Variants in CENPF observed in about 807,000 individuals in gnomAD.
CENPF encodes AH antigen.
In CENPF, 214 loss-of-function variants were observed where a neutral mutation model predicts 307.3. The observed-to-expected ratio is 0.70, with a 90% CI of 0.62 to 0.78. The LOEUF (loss-of-function observed/expected upper bound fraction) is 0.78. CENPF is among the 30% of genes least tolerant of loss of function. The probability of loss-of-function intolerance (pLI) is 0.00; values close to 1 mark genes in which losing one functional copy is unlikely to be tolerated. For synonymous variants in CENPF, 1,259 were observed against 1,270.6 expected, an observed-to-expected ratio of 0.99 and a Z score of 0.19; for missense variants, 3,401 against 3,483.9, an observed-to-expected ratio of 0.98 and a Z score of 0.60.
At chr1:214,630,712 T>C (rs1278997143) in intron 9 of CENPF, 50 bp downstream of exon 9, 2 of 1,592,916 alleles carry the variant, frequency 1.3e-6, no homozygotes, top group African/African-American at 1.3e-5. Context: ...TCTTGTTCCT[T>C]GTACTTGTTA....
rs3748694 is a variant in CENPF, at chr1:214,645,784, T to C, written c.6214T>C (p.Ser2072Pro). 117 of 1,614,106 alleles carry C rather than the reference T, an allele frequency of 7.2e-5. No homozygotes were observed. In the East Asian group the frequency reaches 2.3e-3, roughly 31 times the overall value. Residue 2072 changes from serine to proline, a missense_variant, in exon 13 of 20, where the codon TCT becomes CCT. Ser to Pro is a moderately conservative substitution (Grantham distance 74, BLOSUM62 -1). Coordinates refer to ENST00000366955, the MANE Select transcript of CENPF (RefSeq NM_016343.4). Reference sequence around the variant, plus strand: ...AGAGAAAGAATTGCTTGTCAAGGAATCTGAAAGCCTGCAGGCCAGACTGAG... The same window carrying C: ...AGAGAAAGAATTGCTTGTCAAGGAACCTGAAAGCCTGCAGGCCAGACTGAG... Reference protein sequence around the residue: ...NKEKELLVKESESLQARLSES... With the variant: ...NKEKELLVKEPESLQARLSES...
intron 1 of CENPF, chr1:214,605,844 C>T: frequency 6.3e-7 from 1 of 1,596,262 alleles, no homozygotes; most frequent in Non-Finnish European, 8.5e-7. Flanking sequence ...ATCACCTCGT[C>T]CTCCGTGCCG....
intron 3 of CENPF, among the ~76,000 whole-genome samples, chr1:214,617,328 A>G (rs1380064890): frequency 6.6e-6 from 1 of 152,286 alleles, no homozygotes; most frequent in East Asian, 1.9e-4. Flanking sequence ...GATTACAGGC[A>G]TGAGCCACTG....
rs1268588044 is a variant in CENPF, at chr1:214,645,229, G to A, written c.5659G>A (p.Ala1887Thr). ...SSREDIGDNV[A>T]KVNDSWKERF... ...ACGTGAAGATATTGGAGATAATGTG[G>A]CCAAGGTGAATGACAGCTGGAAGGA... The change falls in exon 13 of 20, where the codon GCC becomes ACC. Residue 1887 changes from alanine to threonine, a missense_variant. Coordinates refer to ENST00000366955, the MANE Select transcript of CENPF (RefSeq NM_016343.4). 6.2e-7 allele frequency: 1 copy of A among 1,614,046 alleles called. No individual in the cohort carries two copies. The highest frequency in any genetic ancestry group is 8.5e-7 in the Non-Finnish European group (1 of 1,180,010).
chr1:214,624,356 T>C (rs953923551), intron 7 of CENPF, among the ~76,000 whole-genome samples: 3 of 152,082 alleles, frequency 2.0e-5, no homozygotes, highest in African/African-American at 2.4e-5. Flanking sequence ...TTTTTTTTTC[T>C]TTCTTTATAT....
chr1:214,621,010 G>T, intron 6 of CENPF, 64 bp downstream of exon 6: 1 of 1,473,540 alleles, frequency 6.8e-7, no homozygotes. Flanking sequence ...GGTGATTTCA[G>T]ATATTTTTAA....
chr1:214,608,194 A>T, intron 1 of CENPF: 1 of 1,046,116 alleles, frequency 9.6e-7, no homozygotes, highest in African/African-American at 1.6e-5. Context: ...CTGTGCATCC[A>T]CTGTGGCTCC....
intron 18 of CENPF, 71 bp downstream of exon 18, chr1:214,657,480 G>T (rs187067980): frequency 1.7e-6 from 2 of 1,164,510 alleles, no homozygotes; most frequent in East Asian, 4.7e-5. Flanking sequence ...CATATAAAAA[G>T]ACAAAAGTAT....
chr1:214,609,427 G>A (rs1387099914), intron 1 of CENPF, among the ~76,000 whole-genome samples: 2 of 152,162 alleles, frequency 1.3e-5, no homozygotes, highest in African/African-American at 4.8e-5. Context: ...CCGGGTCAGG[G>A]ATCTCAGAAA....
chr1:214,657,479 A>G (rs1352310475), intron 18 of CENPF, 70 bp downstream of exon 18: 5 of 1,160,494 alleles, frequency 4.3e-6, no homozygotes, highest in Non-Finnish European at 6.1e-6. Flanking sequence ...ACATATAAAA[A>G]GACAAAAGTA....
At chr1:214,630,375 C>A (rs1657772169) in intron 8 of CENPF, among the ~76,000 whole-genome samples, 159 bp from the exon 9 acceptor site, 1 of 152,126 alleles carries the variant, frequency 6.6e-6, no homozygotes, top group East Asian at 1.9e-4. Context: ...GCATGGAGCA[C>A]CAAGGCTGAC....
At chr1:214,643,448 A>C in intron 12 of CENPF, 124 bp downstream of exon 12, 1 of 789,206 alleles carries the variant, frequency 1.3e-6, no homozygotes, top group Non-Finnish European at 1.8e-6. Flanking sequence ...TCAAGGAAAT[A>C]AAATACACCA....
intron 11 of CENPF, 120 bp from the exon 12 acceptor site, chr1:214,639,801 C>A: frequency 3.9e-6 from 2 of 507,942 alleles, no homozygotes; most frequent in South Asian, 3.7e-5. Context: ...CCAGTTTTTC[C>A]AGGGCTTGAG....
chr1:214,655,186 A>T (rs531682890), intron 16 of CENPF, 55 bp from the exon 17 acceptor site: 2 of 1,141,146 alleles, frequency 1.8e-6, no homozygotes, highest in Admixed American at 2.7e-5. Context: ...TTATTTTTCC[A>T]TATGCTTATA....
intron 6 of CENPF, among the ~76,000 whole-genome samples, chr1:214,621,311 G>T (rs1393309403): frequency 6.6e-6 from 1 of 152,166 alleles, no homozygotes; most frequent in Non-Finnish European, 1.5e-5. Context: ...ACCAGCTTTG[G>T]CCAGAGGTTG....
In CENPF at chr1:214,657,320, A is replaced by G. The variant is rs1312910324; in HGVS notation, c.8873A>G (p.Lys2958Arg). 1 of 1,614,034 alleles carries G rather than the reference A, an allele frequency of 6.2e-7. No homozygotes were observed. Among genetic ancestry groups the G allele is most frequent in the Non-Finnish European group, 8.5e-7 (1 of 1,180,020 alleles). Residue 2958 changes from lysine (K) to arginine (R), a missense_variant, in exon 18 of 20, where the codon AAG (lysine) becomes AGG (arginine). Transcript: ENST00000366955. The part of the protein sequence containing the change: ...ATPESFSKKS[K>R]KAVMSGIHPA... The stretch of plus-strand genomic sequence containing the variant: ...CCAGAGAGCTTTTCTAAAAAAAGCA[A>G]GAAAGCAGTCATGAGTGGTATTCAC...
intron 3 of CENPF, 140 bp from the exon 4 acceptor site, chr1:214,618,433 G>A: frequency 9.6e-7 from 1 of 1,044,066 alleles, no homozygotes; most frequent in African/African-American, 1.6e-5. Context: ...TGAAATGCCT[G>A]TTGGATAAAT....
Position 214,640,719 on chromosome 1 carries a change from A to C in CENPF, c.2381A>C (p.His794Pro), listed in dbSNP as rs1340778233. 8 of 1,614,022 alleles carry C rather than the reference A, an allele frequency of 5.0e-6. No homozygotes were observed. In the South Asian group the frequency reaches 7.7e-5, roughly 16 times the overall value. ...GCTTTTGATCAGCAGCCTGCCATGC[A>C]TCATTCCTTTGCAAATATAATTGGA... ...LLAFDQQPAM[H>P]HSFANIIGEQ... Residue 794 changes from histidine to proline, a missense_variant, in exon 12 of 20, where the codon CAT (histidine) becomes CCT (proline). His to Pro is a moderately conservative substitution (Grantham distance 77). Transcript: ENST00000366955.
intron 15 of CENPF, among the ~76,000 whole-genome samples, chr1:214,652,134 T>C (rs1046654851): frequency 6.7e-6 from 1 of 148,720 alleles, no homozygotes; most frequent in Non-Finnish European, 1.5e-5. Flanking sequence ...CTCCCAGGTT[T>C]GCACCATTCT....
Sources: gnomAD v4.1 joint callset for allele counts (sites outside exome capture counted in the v4.1 genomes callset) on GRCh38, gnomAD v4.1.1 for gene constraint, MANE v1.5 for transcripts, NCBI Gene and HGNC (gene_info 2026-07-23, HGNC 2026-07-21) for gene names.